The following ZFHX3 variants were observed in gnomAD, a reference collection of about 807,000 sequenced individuals.
ZFHX3 encodes zinc finger homeobox protein 3.
In ZFHX3, 42 loss-of-function variants were observed where a neutral mutation model predicts 279.1. That is an observed-to-expected ratio of 0.15 (90% CI 0.12 to 0.19). The LOEUF is 0.19. Among genes scored for constraint, ZFHX3 ranks in the 10% least tolerant of loss-of-function variants. The pLI is 1.00. For missense variants in ZFHX3, 4,981 were observed against 4,754.0 expected (o/e 1.05, Z -1.40); for synonymous variants, 2,293 against 1,957.8 (o/e 1.17, Z -4.52).
intron 2 of ZFHX3, among the ~76,000 whole-genome samples, chr16:73,677,150 CA>C (rs1290018827): frequency 6.6e-6 from 1 of 151,812 alleles, no homozygotes; most frequent in Non-Finnish European, 1.5e-5. Flanking sequence ...ATACTATCCC[CA>C]AAATATGTCA....
chr16:73,599,766 C>G (rs998411509), intron 2 of ZFHX3, among the ~76,000 whole-genome samples: 2 of 147,700 alleles, frequency 1.4e-5, no homozygotes, highest in Admixed American at 6.7e-5. Flanking sequence ...AAACCTTTAA[C>G]AGCCCACTGG....
At chr16:73,692,160 C>G (rs941862556) in intron 1 of ZFHX3, among the ~76,000 whole-genome samples, 12 of 152,144 alleles carry the variant, frequency 7.9e-5, no homozygotes, top group African/African-American at 2.4e-4. Context: ...GACCTTAATT[C>G]TCCTCTCCTT....
At chr16:72,920,345 G>A (rs1042552269) in intron 3 of ZFHX3, among the ~76,000 whole-genome samples, 8 of 152,044 alleles carry the variant, frequency 5.3e-5, no homozygotes, top group Non-Finnish European at 1.2e-4. Context: ...CAGGGTACAT[G>A]AGCCCCTGGA....
chr16:73,208,834 G>C (rs1470266843), intron 5 of ZFHX3, among the ~76,000 whole-genome samples: 1 of 152,226 alleles, frequency 6.6e-6, no homozygotes. Flanking sequence ...TCTAGTGAGA[G>C]TGTGCAGATA....
intron 2 of ZFHX3, among the ~76,000 whole-genome samples, chr16:73,564,824 C>T (rs575277612): frequency 1.8e-4 from 28 of 152,318 alleles, no homozygotes; most frequent in African/African-American, 5.1e-4. Flanking sequence ...GTCATCTCCA[C>T]GTCATGTTCT....
At chr16:72,981,587 C>G (rs146511869) in intron 1 of ZFHX3, among the ~76,000 whole-genome samples, 23 of 152,330 alleles carry the variant, frequency 1.5e-4, no homozygotes, top group African/African-American at 5.5e-4. Flanking sequence ...AAAGCCTCAA[C>G]TGAACTGCTC....
intron 1 of ZFHX3, among the ~76,000 whole-genome samples, chr16:73,680,840 T>C (rs2053002825): frequency 6.6e-6 from 1 of 152,202 alleles, no homozygotes; most frequent in African/African-American, 2.4e-5. Context: ...CATCTGTGCG[T>C]GTGAGTGGGG....
intron 1 of ZFHX3, among the ~76,000 whole-genome samples, chr16:73,781,040 G>A (rs1959452238): frequency 6.6e-6 from 1 of 152,184 alleles, no homozygotes; most frequent in East Asian, 1.9e-4. Context: ...CTTTAGCAGT[G>A]ATTATGATGA....
intron 1 of ZFHX3, among the ~76,000 whole-genome samples, chr16:73,731,256 T>A (rs756891115): frequency 2.6e-5 from 4 of 152,186 alleles, no homozygotes; most frequent in Non-Finnish European, 5.9e-5. Context: ...CATGCCTCTA[T>A]TCAGGTTAAA....
intron 2 of ZFHX3, among the ~76,000 whole-genome samples, chr16:73,488,284 G>A (rs967020051): frequency 6.6e-6 from 1 of 152,170 alleles, no homozygotes; most frequent in Non-Finnish European, 1.5e-5. Flanking sequence ...CAGGTTGAGG[G>A]TAGCAGCCAT....
chr16:73,498,308 G>T (rs1232065129), intron 2 of ZFHX3, among the ~76,000 whole-genome samples: 2 of 152,150 alleles, frequency 1.3e-5, no homozygotes, highest in Non-Finnish European at 2.9e-5. Context: ...GGGAAACATT[G>T]GGGGACATGT....
chr16:73,208,622 A>C (rs992744955), intron 5 of ZFHX3, among the ~76,000 whole-genome samples: 1 of 152,242 alleles, frequency 6.6e-6, no homozygotes, highest in Non-Finnish European at 1.5e-5. Context: ...GAAAGGCACA[A>C]TATGCTCTTA....
intron 1 of ZFHX3, among the ~76,000 whole-genome samples, chr16:73,054,017 G>A (rs1965499809): frequency 6.6e-6 from 1 of 151,528 alleles, no homozygotes; most frequent in African/African-American, 2.4e-5. Context: ...ACCATGGAGG[G>A]AGGGGGGAGG....
chr16:73,682,898 GAA>G (rs1222302534), intron 1 of ZFHX3, among the ~76,000 whole-genome samples: 10,653 of 50,488 alleles, frequency 0.21, 1,216 homozygotes, highest in Non-Finnish European at 0.24. Flanking sequence ...AAGAAAGAAA[GAA>G]AGAAAGAGAA....
chr16:73,229,962 GT>G (rs1199455054), intron 5 of ZFHX3, among the ~76,000 whole-genome samples: 2 of 152,304 alleles, frequency 1.3e-5, no homozygotes, highest in African/African-American at 4.8e-5. Flanking sequence ...AGATGATTGA[GT>G]GGATAGATAC....
At chr16:73,094,926 TCTC>T (rs1452180122) in intron 7 of ZFHX3, among the ~76,000 whole-genome samples, 4 of 152,122 alleles carry the variant, frequency 2.6e-5, no homozygotes, top group African/African-American at 9.7e-5. Flanking sequence ...GCCAGGCTAG[TCTC>T]AAACTCCTGA....
intron 3 of ZFHX3, among the ~76,000 whole-genome samples, chr16:73,369,463 C>G (rs962195557): frequency 1.3e-5 from 2 of 152,230 alleles, no homozygotes; most frequent in African/African-American, 4.8e-5. Context: ...TCGAGGCTGC[C>G]TTAGCTACAA....
chr16:73,089,399 G>A (rs774864222), intron 8 of ZFHX3, among the ~76,000 whole-genome samples: 3 of 152,200 alleles, frequency 2.0e-5, no homozygotes, highest in Non-Finnish European at 2.9e-5. Context: ...CGCTGCACCC[G>A]GTCTAATGTT....
chr16:72,952,318 C>T (rs868582055), intron 2 of ZFHX3, among the ~76,000 whole-genome samples: 2 of 152,180 alleles, frequency 1.3e-5, no homozygotes, highest in Admixed American at 6.5e-5. Flanking sequence ...ATATCCCTCC[C>T]GTCAGTCAAT....
Sources: gnomAD v4.1 joint callset for allele counts (sites outside exome capture counted in the v4.1 genomes callset) on GRCh38, gnomAD v4.1.1 for gene constraint, MANE v1.5 for transcripts, NCBI Gene and HGNC (gene_info 2026-07-23, HGNC 2026-07-21) for gene names.